SDR9C7: variants seen among roughly 807,000 people sequenced by gnomAD.
SDR9C7 encodes short-chain dehydrogenase/reductase family 9C member 7.
A neutral mutation model predicts 23.6 loss-of-function variants in SDR9C7; 11 were observed. The ratio of observed to expected loss-of-function variants is 0.47; its 90% CI spans 0.29 to 0.77. The LOEUF is 0.77. Ranked by LOEUF, SDR9C7 falls within the 30% of genes least tolerant of loss-of-function variation. SDR9C7 has a pLI of 0.09. For missense variants in SDR9C7, 387 were observed against 407.1 expected (o/e 0.95, Z 0.42); for synonymous variants, 167 against 157.3 (o/e 1.06, Z -0.46).
intron 3 of SDR9C7, among the ~76,000 whole-genome samples, chr12:56,924,294 T>C (rs1955717999): frequency 6.6e-6 from 1 of 152,040 alleles, no homozygotes; most frequent in African/African-American, 2.4e-5. Context: ...CTGGGCTTGG[T>C]GGCACATGCC....
intron 3 of SDR9C7, among the ~76,000 whole-genome samples, chr12:56,927,230 C>A (rs142553756): frequency 6.6e-6 from 1 of 152,078 alleles, no homozygotes; most frequent in Admixed American, 6.5e-5. Flanking sequence ...GAGGAGTTTG[C>A]CTTTATACAT....
chr12:56,924,118 C>T lies in SDR9C7; in HGVS notation c.725-68G>A. The T allele has an allele frequency of 7.8e-6, 9 of 1,149,360 alleles. No homozygotes were observed. The South Asian group carries it at 1.3e-4, about 16-fold the overall frequency. 71.2% of individuals were successfully genotyped at this position (1,149,360 alleles called of 1,614,324 possible). ...ATAAAAGATGGCTTCTTCCGAATTC[C>T]ATCCAAGTTCCCTTTCCATCAGATC... is the stretch of plus-strand genomic sequence containing the variant. On this transcript the variant is annotated intron_variant, in intron 3 of 3. Transcript: ENST00000293502.
Position 56,924,061 on chromosome 12 carries a change from G to A in SDR9C7, c.725-11C>T. On this transcript the variant is annotated splice_polypyrimidine_tract_variant and intron_variant, in intron 3 of 3. Transcript: ENST00000293502. ...TTAACTTGTCAGTATCTGTTTGAGGGCAGAGAGGGGAAAAAGGCTCTGTTA... is the reference window on the plus strand; with the variant it reads ...TTAACTTGTCAGTATCTGTTTGAGGACAGAGAGGGGAAAAAGGCTCTGTTA... The A allele has an allele frequency of 3.2e-6, 5 of 1,572,786 alleles. No individual in the cohort carries two copies. Among genetic ancestry groups the A allele is most frequent in the Non-Finnish European group, 4.4e-6 (5 of 1,145,858 alleles).
At chr12:56,928,687 G>T (rs1015861963) in intron 3 of SDR9C7, among the ~76,000 whole-genome samples, 1 of 152,182 alleles carries the variant, frequency 6.6e-6, no homozygotes, top group Non-Finnish European at 1.5e-5. Context: ...GGCTGACTTG[G>T]CTTTGTGCTC....
intron 3 of SDR9C7, among the ~76,000 whole-genome samples, chr12:56,928,371 C>T (rs1955747741): frequency 1.3e-5 from 2 of 152,206 alleles, no homozygotes; most frequent in Non-Finnish European, 2.9e-5. Context: ...CAGAAGCTCT[C>T]CCCTTCACCA....
At position 56,923,694 on chromosome 12, in the gene SDR9C7, G is replaced by C; in HGVS notation, c.*139C>G. On this transcript the variant is annotated 3_prime_UTR_variant, in exon 4 of 4. Transcript: ENST00000293502. ...TCTGTTAGAAGTTACTGGTAAATTC[G>C]ACAGCAGTGGGTGTCAGCTGAGCCA... 1 of 670,138 alleles carries C rather than the reference G, an allele frequency of 1.5e-6. No homozygotes were observed. The highest frequency in any genetic ancestry group is 2.5e-6 in the Non-Finnish European group (1 of 396,834). The allele number at this position is 670,138 out of a possible 1,614,324, so 41.5% of individuals were successfully genotyped here. A position where few individuals can be genotyped will look rare whatever the true frequency, so the allele number is the denominator to read the frequency against.
intron 1 of SDR9C7, among the ~76,000 whole-genome samples, chr12:56,932,283 G>A (rs536931439): frequency 7.5e-4 from 115 of 152,318 alleles, no homozygotes; most frequent in Admixed American, 1.4e-3. Context: ...AGAAACCGGA[G>A]AATCAGAGAG....
At chr12:56,930,639 C>G (rs1190303153) in intron 1 of SDR9C7, among the ~76,000 whole-genome samples, 155 bp from the exon 2 acceptor site, 4 of 152,256 alleles carry the variant, frequency 2.6e-5, no homozygotes. Flanking sequence ...GTGTCTTTTA[C>G]TAACTCGTTT....
chr12:56,930,285 G>C lies in SDR9C7; in HGVS notation c.501C>G (p.Val167=). 1 of 1,614,148 alleles carries C rather than the reference G, an allele frequency of 6.2e-7. No homozygotes were observed. Among genetic ancestry groups the C allele is most frequent in the Non-Finnish European group, 8.5e-7 (1 of 1,180,012 alleles). ...TGGAGACGCAGTAGCCACCACCAAT[G>C]ACAGCCACACGACCACCAGAGCTGG... ...NMSSSGGRVA[V]IGGGYCVSKF... is the part of the protein sequence containing the mutation. The change falls in exon 2 of 4, where the codon GTC becomes GTG. Residue 167 remains valine, a synonymous_variant. Coordinates refer to ENST00000293502, the MANE Select transcript of SDR9C7 (RefSeq NM_148897.3).
At position 56,929,411 on chromosome 12, in the gene SDR9C7, C is replaced by A; in HGVS notation, c.703G>T (p.Gly235Ter). 2 of 1,610,914 alleles carry A rather than the reference C, an allele frequency of 1.2e-6. No individual in the cohort carries two copies. The highest frequency in any genetic ancestry group is 1.7e-6 in the Non-Finnish European group (2 of 1,177,264). ...TTACAGATGCGGAAATAATCCTCTC[C>A]GTAGCTGTCCCGGGTCTCCTGAGGC... The part of the protein sequence containing the change: ...RLPQETRDSY[G>*]EDYFRIYTDK... The change falls in exon 3 of 4, where the codon GGA (glycine) becomes TGA (stop). Residue 235 changes from glycine to a stop codon, truncating the protein, a stop_gained. Transcript: ENST00000293502. LOFTEE classifies it high-confidence loss of function.
intron 1 of SDR9C7, 142 bp downstream of exon 1, chr12:56,933,819 C>A: frequency 1.0e-6 from 1 of 975,626 alleles, no homozygotes; most frequent in Non-Finnish European, 1.5e-6. Flanking sequence ...GGCTTCCAAT[C>A]AGATTGAGGC....
chr12:56,929,483 C>T lies in SDR9C7; in HGVS notation c.631G>A (p.Gly211Ser), dbSNP rs761062642. 51 of 1,613,670 alleles carry T rather than the reference C, an allele frequency of 3.2e-5. No homozygotes were observed. The highest frequency in any genetic ancestry group is 5.5e-5 in the South Asian group (5 of 91,076). Residue 211 changes from glycine to serine, a missense_variant, in exon 3 of 4, where the codon GGC becomes AGC. Transcript: ENST00000293502. The part of the protein sequence containing the change: ...EPGNYRTAIL[G>S]KENLESRMRK... ...ATGCGTGACTCCAGGTTCTCCTTGCCGAGAATGGCTGTCCGATAGTTCCCT... is the reference window on the plus strand; with the variant it reads ...ATGCGTGACTCCAGGTTCTCCTTGCTGAGAATGGCTGTCCGATAGTTCCCT...
At chr12:56,928,249 C>T (rs1258166116) in intron 3 of SDR9C7, among the ~76,000 whole-genome samples, 2 of 152,110 alleles carry the variant, frequency 1.3e-5, no homozygotes, top group Non-Finnish European at 1.5e-5. Context: ...CTTTAAAGTT[C>T]CTCAAATGGA....
intron 3 of SDR9C7, 92 bp from the exon 4 acceptor site, chr12:56,924,142 T>A: frequency 3.5e-6 from 3 of 853,376 alleles, no homozygotes; most frequent in Non-Finnish European, 5.5e-6. Flanking sequence ...TTCCATCAGA[T>A]CCCTGATCTA....
Position 56,926,330 on chromosome 12 carries a change from G to A in SDR9C7, c.725-2280C>T, listed in dbSNP as rs185087258. 2.0e-4 allele frequency among the ~76,000 whole-genome samples: 31 copies of A among 152,230 alleles called. No homozygotes were observed. In the East Asian group the frequency reaches 4.8e-3, roughly 24 times the overall value. The stretch of plus-strand genomic sequence containing the variant: ...GGACTTACAACTTCATGTCTTTATC[G>A]TTCCTTCACTGGGTTTCTGCAGTAG... On this transcript the variant is annotated intron_variant, in intron 3 of 3. Coordinates refer to ENST00000293502, the MANE Select transcript of SDR9C7 (RefSeq NM_148897.3).
At chr12:56,932,001 C>T (rs1313709995) in intron 1 of SDR9C7, among the ~76,000 whole-genome samples, 2 of 152,186 alleles carry the variant, frequency 1.3e-5, no homozygotes, top group Non-Finnish European at 2.9e-5. Context: ...CTCTCCCATC[C>T]CCCTACCCAC....
chr12:56,930,323 C>T lies in SDR9C7; in HGVS notation c.463G>A (p.Val155Ile). Reference sequence around the variant, plus strand: ...CCACCAGAGCTGGACATGTTGACAACCCTGCCCCGGGCTCTCTTGACCATG... The same window carrying T: ...CCACCAGAGCTGGACATGTTGACAATCCTGCCCCGGGCTCTCTTGACCATG... ...LPMVKRARGR[V>I]VNMSSSGGRV... The change falls in exon 2 of 4, where the codon GTT becomes ATT. Residue 155 changes from valine to isoleucine, a missense_variant. Transcript: ENST00000293502. 1 of 1,614,176 alleles carries T rather than the reference C, an allele frequency of 6.2e-7. No homozygotes were observed.
At chr12:56,927,447 T>C (rs912773176) in intron 3 of SDR9C7, among the ~76,000 whole-genome samples, 1 of 152,216 alleles carries the variant, frequency 6.6e-6, no homozygotes, top group Non-Finnish European at 1.5e-5. Context: ...TAACATCTTC[T>C]CTCCTTGTTC....
chr12:56,929,403 A>G lies in SDR9C7; in HGVS notation c.711T>C (p.Asp237=), dbSNP rs267603591. The G allele has an allele frequency of 5.6e-6, 9 of 1,604,828 alleles. No homozygotes were observed. The highest frequency in any genetic ancestry group is 1.3e-5 in the African/African-American group (1 of 74,824). The part of the protein sequence containing the change: ...PQETRDSYGE[D]YFRIYTDKLK... ...CCAGGAACTTACAGATGCGGAAATA[A>G]TCCTCTCCGTAGCTGTCCCGGGTCT... Residue 237 remains aspartate (D), a synonymous_variant, in exon 3 of 4, where the codon GAT becomes GAC. Coordinates refer to ENST00000293502, the MANE Select transcript of SDR9C7 (RefSeq NM_148897.3).
Sources: gnomAD v4.1 joint callset for allele counts (sites outside exome capture counted in the v4.1 genomes callset) on GRCh38, gnomAD v4.1.1 for gene constraint, MANE v1.5 for transcripts, NCBI Gene and HGNC (gene_info 2026-07-23, HGNC 2026-07-21) for gene names.